MAD1L1: variants seen among roughly 807,000 people sequenced by gnomAD.
The protein encoded by MAD1L1 is mitotic spindle assembly checkpoint protein MAD1.
Under a neutral mutation model 96.9 loss-of-function variants are expected in MAD1L1, and 95 were observed. The ratio of observed to expected loss-of-function variants is 0.98; its 90% CI spans 0.83 to 1.16. The LOEUF (loss-of-function observed/expected upper bound fraction) is 1.16, where lower values mean the gene tolerates loss of function less well. Among genes scored for constraint, MAD1L1 ranks in the 50% most tolerant of loss-of-function variants. MAD1L1 has a pLI of 0.00. For synonymous variants in MAD1L1, 473 were observed against 396.6 expected, an observed-to-expected ratio of 1.19 and a Z score of -2.29; for missense variants, 1,007 against 954.4, an observed-to-expected ratio of 1.06 and a Z score of -0.73.
intron 11 of MAD1L1, among the ~76,000 whole-genome samples, chr7:2,075,317 G>A (rs1584260064): frequency 6.6e-6 from 1 of 152,204 alleles, no homozygotes. Flanking sequence ...GCTCCGGCAA[G>A]ATGGCCTCTG....
chr7:1,999,656 C>A (rs1050270954), intron 14 of MAD1L1, among the ~76,000 whole-genome samples: 2 of 152,192 alleles, frequency 1.3e-5, no homozygotes, highest in East Asian at 3.8e-4. Context: ...CCTCCACTGC[C>A]CCAGCCCTAC....
rs1163934913 is a variant in MAD1L1, at chr7:1,887,644, CATGT to C, written c.1998+10552_1998+10555del. On this transcript the variant is annotated intron_variant, in intron 18 of 18. Transcript: ENST00000265854. ...GCATGGGCATGTGTGTGCATGCATG[CATGT>C]GGGTGCCTGTGCATGTGTGTGTGAG... 2.2e-3 allele frequency among the ~76,000 whole-genome samples: 292 copies of C among 133,620 alleles called. 2 individuals carry two copies. The highest frequency in any genetic ancestry group is 7.9e-3 in the African/African-American group (275 of 34,938). 87.7% of individuals were successfully genotyped at this position (133,620 alleles called of 152,430 possible).
intron 17 of MAD1L1, among the ~76,000 whole-genome samples, chr7:1,916,833 C>A (rs1170718536): frequency 6.6e-6 from 1 of 152,166 alleles, no homozygotes; most frequent in Non-Finnish European, 1.5e-5. Context: ...CGGGCACCCC[C>A]ATTTGCCTAC....
chr7:2,158,163 G>A (rs1034354016), intron 10 of MAD1L1, among the ~76,000 whole-genome samples: 2 of 152,238 alleles, frequency 1.3e-5, no homozygotes, highest in Non-Finnish European at 2.9e-5. Flanking sequence ...ATCTGCAGCT[G>A]AATTTTGACT....
chr7:1,887,221 G>A (rs1786094751), intron 18 of MAD1L1, among the ~76,000 whole-genome samples: 1 of 152,052 alleles, frequency 6.6e-6, no homozygotes, highest in Admixed American at 6.5e-5. Context: ...GAGCATGTGT[G>A]TGTGAGCATG....
intron 12 of MAD1L1, among the ~76,000 whole-genome samples, chr7:2,032,927 G>A (rs112091206): frequency 1.3e-4 from 20 of 152,340 alleles, no homozygotes; most frequent in African/African-American, 4.8e-4. Context: ...ATGGGGCAGG[G>A]GGGCAAGGCG....
intron 11 of MAD1L1, among the ~76,000 whole-genome samples, chr7:2,098,122 C>T (rs554795343): frequency 1.5e-4 from 23 of 152,264 alleles, no homozygotes; most frequent in African/African-American, 5.3e-4. Flanking sequence ...TGAGGACGCC[C>T]GCGACTTCAG....
chr7:1,897,709 G>A (rs1284064893), intron 18 of MAD1L1, among the ~76,000 whole-genome samples: 6 of 152,256 alleles, frequency 3.9e-5, no homozygotes, highest in South Asian at 2.1e-4. Flanking sequence ...CAGGACGCGA[G>A]TGTAGAGATG....
chr7:2,089,941 G>A (rs556460983), intron 11 of MAD1L1, among the ~76,000 whole-genome samples: 2 of 152,356 alleles, frequency 1.3e-5, no homozygotes, highest in Admixed American at 6.5e-5. Context: ...GCTGCAGAAG[G>A]AGCTCCGGCC....
At chr7:2,206,041 A>G (rs1041874250) in intron 10 of MAD1L1, among the ~76,000 whole-genome samples, 1 of 152,218 alleles carries the variant, frequency 6.6e-6, no homozygotes, top group Non-Finnish European at 1.5e-5. Flanking sequence ...CTGAGGCTGG[A>G]GGATTGCTTG....
rs1268348909 is a variant in MAD1L1 at position 1,907,575 on chromosome 7, GAGGA to G, written c.1808-9189_1808-9186del. Among the ~76,000 whole-genome samples, 4 of 152,360 alleles carry G rather than the reference GAGGA, an allele frequency of 2.6e-5. No homozygotes were observed. The South Asian group carries it at 8.3e-4, about 32-fold the overall frequency. On this transcript the variant is annotated intron_variant, in intron 17 of 18. Transcript: ENST00000265854. ...ACTGATGACGCCGCCACGGGGCCAG[GAGGA>G]AGGGAGTGATTCCAGGCTCCATACA...
chr7:1,914,565 G>C (rs1788250127), intron 17 of MAD1L1, among the ~76,000 whole-genome samples: 1 of 152,198 alleles, frequency 6.6e-6, no homozygotes, highest in Non-Finnish European at 1.5e-5. Flanking sequence ...CTGGCCTTTA[G>C]CCCAGGGAAA....
intron 17 of MAD1L1, among the ~76,000 whole-genome samples, chr7:1,913,100 T>G (rs772877001): frequency 3.3e-5 from 5 of 152,162 alleles, no homozygotes; most frequent in African/African-American, 7.2e-5. Context: ...GAGTTTTAAA[T>G]CTCCTGTCTC....
At chr7:1,929,621 G>A (rs902985725) in intron 17 of MAD1L1, among the ~76,000 whole-genome samples, 18 of 152,060 alleles carry the variant, frequency 1.2e-4, no homozygotes, top group African/African-American at 2.2e-4. Context: ...TTCTCTGACC[G>A]GAGGTCTGGG....
At chr7:2,122,412 G>A (rs1204990202) in intron 11 of MAD1L1, among the ~76,000 whole-genome samples, 1 of 152,180 alleles carries the variant, frequency 6.6e-6, no homozygotes, top group East Asian at 1.9e-4. Context: ...CAGATCACCT[G>A]AGGTTGGGAG....
intron 17 of MAD1L1, among the ~76,000 whole-genome samples, chr7:1,933,665 C>T (rs1197169029): frequency 1.3e-5 from 2 of 152,220 alleles, no homozygotes; most frequent in African/African-American, 2.4e-5. Flanking sequence ...AGGGAGGCAG[C>T]GGCCGACCTG....
At chr7:1,954,038 C>G (rs189308787) in intron 16 of MAD1L1, among the ~76,000 whole-genome samples, 1 of 152,028 alleles carries the variant, frequency 6.6e-6, no homozygotes, top group South Asian at 2.1e-4. Flanking sequence ...TGTCCTGCCC[C>G]GTAGCCTGTG....
chr7:2,115,471 C>G (rs1037404352), intron 11 of MAD1L1, among the ~76,000 whole-genome samples: 16 of 146,628 alleles, frequency 1.1e-4, no homozygotes, highest in Admixed American at 1.0e-3. Context: ...TCAGAGGAGG[C>G]TGGACAGGGT....
intron 11 of MAD1L1, among the ~76,000 whole-genome samples, chr7:2,115,136 G>A (rs1016275105): frequency 2.0e-5 from 3 of 152,254 alleles, no homozygotes; most frequent in African/African-American, 7.2e-5. Context: ...CACTGCGGAA[G>A]CACTCCCGCA....
Sources: allele counts gnomAD v4.1 joint callset (sites outside exome capture counted in the v4.1 genomes callset), GRCh38; gene constraint gnomAD v4.1.1; transcripts MANE v1.5; gene names NCBI Gene and HGNC (gene_info 2026-07-23, HGNC 2026-07-21).